Variants in DISP1 observed in about 807,000 individuals in gnomAD.
DISP1 encodes the protein dispatched RND transporter family member 1.
DISP1 carries 30 observed loss-of-function variants against 37.3 expected under a neutral mutation model. The ratio of observed to expected loss-of-function variants is 0.80; its 90% CI spans 0.60 to 1.09. The LOEUF (loss-of-function observed/expected upper bound fraction) is 1.09. Among genes scored for constraint, DISP1 ranks in the 50% least tolerant of loss-of-function variants. The probability of loss-of-function intolerance (pLI) is 0.00; values close to 1 mark genes in which losing one functional copy is unlikely to be tolerated. For synonymous variants in DISP1, 634 were observed against 690.2 expected, an observed-to-expected ratio of 0.92 and a Z score of 1.28; for missense variants, 1,598 against 1,879.5, an observed-to-expected ratio of 0.85 and a Z score of 2.77.
At chr1:222,891,120 A>G (rs748289157) in intron 1 of DISP1, among the ~76,000 whole-genome samples, 17 of 152,166 alleles carry the variant, frequency 1.1e-4, no homozygotes, top group Non-Finnish European at 2.1e-4. Context: ...AGGGGGGATG[A>G]CTTTTCAGGA....
chr1:222,954,657 G>A (rs1054050871), intron 3 of DISP1, among the ~76,000 whole-genome samples: 1 of 152,030 alleles, frequency 6.6e-6, no homozygotes, highest in African/African-American at 2.4e-5. Flanking sequence ...CCTAAAGAGG[G>A]AGATGGAATC....
intron 2 of DISP1, among the ~76,000 whole-genome samples, chr1:222,937,150 C>T (rs1204387342): frequency 2.0e-5 from 3 of 147,414 alleles, no homozygotes; most frequent in African/African-American, 5.0e-5. Context: ...AGTGCAGTGG[C>T]GTGATCTCGG....
intron 1 of DISP1, among the ~76,000 whole-genome samples, chr1:222,870,044 G>T (rs1200638019): frequency 6.6e-6 from 1 of 151,980 alleles, no homozygotes; most frequent in African/African-American, 2.4e-5. Flanking sequence ...GCGGTGTTTG[G>T]TTTTTTGTCC....
intron 1 of DISP1, among the ~76,000 whole-genome samples, chr1:222,817,896 A>G (rs939749436): frequency 5.3e-5 from 8 of 152,240 alleles, no homozygotes; most frequent in African/African-American, 1.9e-4. Context: ...TGTTTAGGTT[A>G]TTGTTTTAAA....
intron 1 of DISP1, among the ~76,000 whole-genome samples, chr1:222,841,981 A>G (rs905615363): frequency 5.9e-5 from 9 of 152,088 alleles, no homozygotes; most frequent in Non-Finnish European, 8.8e-5. Context: ...GTCATTTGTG[A>G]TAAGTACCTA....
chr1:222,840,289 T>G (rs571035056), intron 1 of DISP1, among the ~76,000 whole-genome samples: 1 of 152,298 alleles, frequency 6.6e-6, no homozygotes, highest in Non-Finnish European at 1.5e-5. Flanking sequence ...TCACCCAGGC[T>G]GGAGTGCAGT....
intron 1 of DISP1, among the ~76,000 whole-genome samples, chr1:222,838,166 A>G (rs1424642432): frequency 2.6e-5 from 4 of 152,072 alleles, no homozygotes; most frequent in South Asian, 4.1e-4. Flanking sequence ...TCTTTCCCTA[A>G]TATAATTATC....
At chr1:222,958,953 T>G (rs896251867) in intron 3 of DISP1, among the ~76,000 whole-genome samples, 10 of 66,982 alleles carry the variant, frequency 1.5e-4, no homozygotes, top group Admixed American at 3.1e-4. Flanking sequence ...AATGTTTAGT[T>G]TTTTTTTTAT....
chr1:222,922,264 T>C (rs1395829637), intron 1 of DISP1, among the ~76,000 whole-genome samples: 1 of 152,134 alleles, frequency 6.6e-6, no homozygotes, highest in Non-Finnish European at 1.5e-5. Flanking sequence ...AAGAGCAGCT[T>C]GATCAGATCT....
At chr1:222,948,343 T>G (rs897118406) in intron 3 of DISP1, among the ~76,000 whole-genome samples, 1 of 152,216 alleles carries the variant, frequency 6.6e-6, no homozygotes, top group African/African-American at 2.4e-5. Flanking sequence ...AGGCACTGAG[T>G]GAGATGCTAT....
At chr1:222,839,358 G>A (rs1047764875) in intron 1 of DISP1, among the ~76,000 whole-genome samples, 1 of 152,166 alleles carries the variant, frequency 6.6e-6, no homozygotes, top group Non-Finnish European at 1.5e-5. Flanking sequence ...CCCTGCCCAC[G>A]TTGTCTGTGG....
chr1:223,003,457 C>T lies in DISP1; in HGVS notation c.2060C>T (p.Ala687Val), dbSNP rs1204737958. 1 of 1,614,026 alleles carries T rather than the reference C, an allele frequency of 6.2e-7. No homozygotes were observed. The highest frequency in any genetic ancestry group is 2.2e-5 in the East Asian group (1 of 44,898). Residue 687 changes from alanine (A) to valine (V), a missense_variant, in exon 9 of 9, where the codon GCT (alanine) becomes GTT (valine). Ala to Val is a moderately conservative substitution (Grantham distance 64). Transcript: ENST00000675850. This position sits in a 1 kb window ranked among gnomAD's most constrained non-coding sequence, Gnocchi z 4.3. The part of the protein sequence containing the change: ...IYDNKSCWTV[A>V]CQKCHKVLFA... Reference sequence around the variant, plus strand: ...GATAACAAAAGCTGCTGGACAGTGGCTTGCCAGAAGTGCCACAAAGTACTC... The same window carrying T: ...GATAACAAAAGCTGCTGGACAGTGGTTTGCCAGAAGTGCCACAAAGTACTC...
intron 4 of DISP1, among the ~76,000 whole-genome samples, chr1:222,987,884 C>T: frequency 6.6e-6 from 1 of 152,226 alleles, no homozygotes; most frequent in Non-Finnish European, 1.5e-5. Context: ...GTAAAGGACT[C>T]TTTTTAAGTC....
Position 223,002,949 on chromosome 1 carries a change from A to G in DISP1, c.1552A>G (p.Met518Val), listed in dbSNP as rs1482174166. 4 of 1,613,846 alleles carry G rather than the reference A, an allele frequency of 2.5e-6. No individual in the cohort carries two copies. The African/African-American group carries it at 4.0e-5, about 16-fold the overall frequency. The change falls in exon 9 of 9, where the codon ATG becomes GTG. Residue 518 changes from methionine (M) to valine (V), a missense_variant. Coordinates refer to ENST00000675850, the MANE Select transcript of DISP1 (RefSeq NM_001377229.1). Reference protein sequence around the residue: ...AIAIVIVLLVMCVYTKSMFIT... With the variant: ...AIAIVIVLLVVCVYTKSMFIT... ...AGCCATTGTGATTGTCCTTTTAGTTATGTGTGTCTACACCAAGTCCATGTT... is the reference window on the plus strand; with the variant it reads ...AGCCATTGTGATTGTCCTTTTAGTTGTGTGTGTCTACACCAAGTCCATGTT...
intron 1 of DISP1, among the ~76,000 whole-genome samples, chr1:222,898,245 G>A (rs1459248417): frequency 6.6e-6 from 1 of 152,122 alleles, no homozygotes; most frequent in Non-Finnish European, 1.5e-5. Context: ...GTTGAAGCCA[G>A]TATCAAAATG....
intron 1 of DISP1, chr1:222,837,083 T>C: frequency 2.5e-6 from 1 of 398,566 alleles, no homozygotes. Context: ...GCCGGTAGAT[T>C]GGGCCCAGTA....
intron 1 of DISP1, among the ~76,000 whole-genome samples, chr1:222,871,590 T>G (rs1346404757): frequency 7.5e-6 from 1 of 133,634 alleles, no homozygotes; most frequent in Non-Finnish European, 1.6e-5. Context: ...TGGCTCTCTG[T>G]CTGTTATTGG....
intron 3 of DISP1, among the ~76,000 whole-genome samples, chr1:222,968,827 G>A (rs1346164834): frequency 6.6e-6 from 1 of 151,998 alleles, no homozygotes; most frequent in Non-Finnish European, 1.5e-5. Context: ...CAGCTACTTG[G>A]GAGTCTGAGG....
Position 222,991,558 on chromosome 1 carries a change from G to A in DISP1, c.702G>A (p.Leu234=), listed in dbSNP as rs1367226938. The change falls in exon 6 of 9, where the codon TTG becomes TTA. Residue 234 remains leucine (L), a synonymous_variant. Transcript: ENST00000675850. ...GAGGAACAGCAATAGGCCAGAGATT[G>A]GTCACATGGAATAATATGGTGAAAA... ...EPRGTAIGQR[L]VTWNNMVKNT... 6.2e-7 allele frequency: 1 copy of A among 1,613,666 alleles called. No individual in the cohort carries two copies. Among genetic ancestry groups the A allele is most frequent in the Non-Finnish European group, 8.5e-7 (1 of 1,179,840 alleles).
Sources: gnomAD v4.1 joint callset for allele counts (sites outside exome capture counted in the v4.1 genomes callset) on GRCh38, gnomAD v4.1.1 for gene constraint, Gnocchi (gnomAD v3.1) non-coding constraint, MANE v1.5 for transcripts, NCBI Gene and HGNC (gene_info 2026-07-23, HGNC 2026-07-21) for gene names.